Variants in ARHGAP15 observed in about 807,000 individuals in gnomAD.
The protein encoded by ARHGAP15 is rho GTPase-activating protein 15.
Under a neutral mutation model 63.7 loss-of-function variants are expected in ARHGAP15, and 51 were observed. That is an observed-to-expected ratio of 0.80 (90% CI 0.64 to 1.01). The LOEUF (loss-of-function observed/expected upper bound fraction) is 1.01. ARHGAP15 is among the 50% of genes least tolerant of loss of function. The pLI, the probability that ARHGAP15 is intolerant of heterozygous loss-of-function variation, is 0.00. For missense variants in ARHGAP15, 560 were observed against 564.6 expected, an observed-to-expected ratio of 0.99 and a Z score of 0.08; for synonymous variants, 191 against 193.8, an observed-to-expected ratio of 0.99 and a Z score of 0.12.
chr2:143,631,418 G>C (rs1238763919), intron 12 of ARHGAP15, among the ~76,000 whole-genome samples: 1 of 152,038 alleles, frequency 6.6e-6, no homozygotes, highest in Non-Finnish European at 1.5e-5. Flanking sequence ...CAAAGTCATT[G>C]AGCCATTTTT....
chr2:143,584,798 T>C (rs1697045750), intron 11 of ARHGAP15, among the ~76,000 whole-genome samples: 1 of 152,212 alleles, frequency 6.6e-6, no homozygotes, highest in African/African-American at 2.4e-5. Flanking sequence ...ACCAACATAA[T>C]ACATCTTTTA....
chr2:143,387,883 G>C (rs946625275), intron 6 of ARHGAP15, among the ~76,000 whole-genome samples: 4 of 149,868 alleles, frequency 2.7e-5, no homozygotes, highest in Admixed American at 6.7e-5. Context: ...ACACGCATGC[G>C]TGCACATACA....
At chr2:143,641,251 A>C (rs2105273023) in intron 12 of ARHGAP15, 1 of 152,266 alleles carries the variant, frequency 6.6e-6, no homozygotes, top group African/African-American at 2.4e-5. Flanking sequence ...TGGTGCTGAG[A>C]AGTTAAAGAC....
intron 11 of ARHGAP15, among the ~76,000 whole-genome samples, chr2:143,594,147 A>G (rs1418534067): frequency 2.0e-5 from 3 of 152,190 alleles, no homozygotes; most frequent in Non-Finnish European, 2.9e-5. Context: ...TAAAGTTTCC[A>G]TTATCCATTA....
intron 6 of ARHGAP15, among the ~76,000 whole-genome samples, chr2:143,317,459 GGAT>G (rs1171275512): frequency 6.6e-6 from 1 of 152,200 alleles, no homozygotes; most frequent in African/African-American, 2.4e-5. Context: ...GGGAGTTGAA[GGAT>G]GATTTCAGTG....
intron 4 of ARHGAP15, among the ~76,000 whole-genome samples, chr2:143,218,470 ATG>A (rs1344860579): frequency 1.3e-5 from 2 of 151,640 alleles, no homozygotes; most frequent in Non-Finnish European, 2.9e-5. Flanking sequence ...AATGTATTTA[ATG>A]TGTGTTTATC....
At chr2:143,572,743 A>G (rs1179102350) in intron 11 of ARHGAP15, among the ~76,000 whole-genome samples, 2 of 152,164 alleles carry the variant, frequency 1.3e-5, no homozygotes, top group Non-Finnish European at 2.9e-5. Flanking sequence ...CTGAATTAAT[A>G]TAGCCATCCT....
chr2:143,298,185 T>C (rs1682731076), intron 6 of ARHGAP15, among the ~76,000 whole-genome samples: 2 of 151,982 alleles, frequency 1.3e-5, no homozygotes, highest in African/African-American at 4.8e-5. Context: ...CTAAATCACA[T>C]CAAGTTCTCA....
intron 12 of ARHGAP15, among the ~76,000 whole-genome samples, chr2:143,649,333 C>T (rs1023806407): frequency 2.6e-5 from 4 of 151,978 alleles, no homozygotes; most frequent in African/African-American, 9.7e-5. Flanking sequence ...TTTGGAGAAA[C>T]TGACATCTCA....
chr2:143,430,523 T>C (rs928676946), intron 6 of ARHGAP15, among the ~76,000 whole-genome samples: 1 of 151,990 alleles, frequency 6.6e-6, no homozygotes, highest in Non-Finnish European at 1.5e-5. Flanking sequence ...TGTGGAGTGA[T>C]GCAAGATGAA....
At chr2:143,467,066 G>A (rs1691251928) in intron 8 of ARHGAP15, among the ~76,000 whole-genome samples, 1 of 152,002 alleles carries the variant, frequency 6.6e-6, no homozygotes, top group African/African-American at 2.4e-5. Flanking sequence ...ATATCTTAGT[G>A]ATACATGGCT....
chr2:143,491,910 C>T (rs974611057), intron 9 of ARHGAP15, among the ~76,000 whole-genome samples: 2 of 152,086 alleles, frequency 1.3e-5, no homozygotes, highest in Admixed American at 1.3e-4. Flanking sequence ...GAGATGGATT[C>T]TCACTCTGTC....
intron 8 of ARHGAP15, among the ~76,000 whole-genome samples, chr2:143,461,177 C>T (rs1690916643): frequency 1.3e-5 from 2 of 148,716 alleles, no homozygotes; most frequent in African/African-American, 5.0e-5. Flanking sequence ...GTAATCCCAG[C>T]TACTCGGGAT....
At chr2:143,439,985 C>T (rs1689804065) in intron 8 of ARHGAP15, among the ~76,000 whole-genome samples, 1 of 151,814 alleles carries the variant, frequency 6.6e-6, no homozygotes, top group African/African-American at 2.4e-5. Context: ...AACACTAGCT[C>T]TAATTTTAGA....
chr2:143,700,016 A>G (rs1176252872), intron 12 of ARHGAP15, among the ~76,000 whole-genome samples: 1 of 152,162 alleles, frequency 6.6e-6, no homozygotes, highest in Non-Finnish European at 1.5e-5. Context: ...TAGTTCACTC[A>G]CTAATTCCTT....
chr2:143,728,975 G>T (rs372330531), intron 13 of ARHGAP15, among the ~76,000 whole-genome samples: 1 of 152,338 alleles, frequency 6.6e-6, no homozygotes, highest in East Asian at 1.9e-4. Flanking sequence ...AAGCCACAGA[G>T]CTATGGTCTC....
In ARHGAP15 at chr2:143,169,226, G is replaced by A. The variant is rs149735410; in HGVS notation, c.165+13571G>A. Among the ~76,000 whole-genome samples the A allele has an allele frequency of 3.8e-3, 575 of 152,108 alleles. 4 individuals are homozygous for A. Among genetic ancestry groups the A allele is most frequent in the African/African-American group, 0.013 (555 of 41,558 alleles). On this transcript the variant is annotated intron_variant, in intron 2 of 13. Coordinates refer to ENST00000295095, the MANE Select transcript of ARHGAP15 (RefSeq NM_018460.4). ...AAAAATCAGAAATTCTGGCATCTGGGGCTGGTTCCCCAAGAAGCAGGCAAT... is the reference window on the plus strand; with the variant it reads ...AAAAATCAGAAATTCTGGCATCTGGAGCTGGTTCCCCAAGAAGCAGGCAAT...
At chr2:143,470,226 T>A (rs568688240) in intron 8 of ARHGAP15, among the ~76,000 whole-genome samples, 2 of 151,598 alleles carry the variant, frequency 1.3e-5, no homozygotes, top group South Asian at 4.2e-4. Context: ...GATTTGGCAC[T>A]AGTATCTGTG....
intron 6 of ARHGAP15, among the ~76,000 whole-genome samples, chr2:143,280,945 A>G (rs532049837): frequency 2.6e-5 from 4 of 152,290 alleles, no homozygotes; most frequent in South Asian, 4.1e-4. Context: ...TGCTAGAAGA[A>G]AAAACATTTA....
Sources: gnomAD v4.1 joint callset for allele counts (sites outside exome capture counted in the v4.1 genomes callset) on GRCh38, gnomAD v4.1.1 for gene constraint, MANE v1.5 for transcripts, NCBI Gene and HGNC (gene_info 2026-07-23, HGNC 2026-07-21) for gene names.